DMXL2: variants seen among roughly 807,000 people sequenced by gnomAD.
DMXL2 encodes dmX-like protein 2.
Under a neutral mutation model 331.1 loss-of-function variants are expected in DMXL2, and 103 were observed. The ratio of observed to expected loss-of-function variants is 0.31; its 90% CI spans 0.27 to 0.37. The LOEUF (loss-of-function observed/expected upper bound fraction) is 0.37. DMXL2 is among the 10% of genes least tolerant of loss of function. The pLI is 1.00. For missense variants in DMXL2, 3,171 were observed against 3,642.9 expected, an observed-to-expected ratio of 0.87 and a Z score of 3.33; for synonymous variants, 1,281 against 1,252.1, an observed-to-expected ratio of 1.02 and a Z score of -0.49.
Position 51,565,107 on chromosome 15 carries a change from G to A in DMXL2, c.345C>T (p.Asn115=), listed in dbSNP as rs749820677. 2 of 1,570,516 alleles carry A rather than the reference G, an allele frequency of 1.3e-6. No homozygotes were observed. Among genetic ancestry groups the A allele is most frequent in the African/African-American group, 2.7e-5 (2 of 73,126 alleles). The change falls in exon 4 of 44, where the codon AAC becomes AAT. Residue 115 remains asparagine, a synonymous_variant. Coordinates refer to ENST00000560891, the MANE Select transcript of DMXL2 (RefSeq NM_001378457.1). The part of the protein sequence containing the change: ...GQFFLSSVTY[N]LAWDPQDNRL... ...AAATACCTTGAGGATCCCATGCTAAGTTGTATGTCACAGAACTCAAAAAAA... is the reference window on the plus strand; with the variant it reads ...AAATACCTTGAGGATCCCATGCTAAATTGTATGTCACAGAACTCAAAAAAA...
intron 1 of DMXL2, among the ~76,000 whole-genome samples, chr15:51,607,319 G>A (rs1012265247): frequency 1.2e-4 from 18 of 152,166 alleles, no homozygotes; most frequent in African/African-American, 3.9e-4. Flanking sequence ...AGCCAGGCAC[G>A]GTGGCAGGTG....
At chr15:51,481,685 A>G in intron 23 of DMXL2, 62 bp from the exon 24 acceptor site, 2 of 1,410,182 alleles carry the variant, frequency 1.4e-6, no homozygotes, top group South Asian at 1.6e-5. Context: ...ACATTACAAA[A>G]CAATAAAATA....
At chr15:51,587,586 G>A (rs1249955270) in intron 1 of DMXL2, among the ~76,000 whole-genome samples, 2 of 152,148 alleles carry the variant, frequency 1.3e-5, no homozygotes, top group African/African-American at 4.8e-5. Flanking sequence ...TATTTGGGTT[G>A]GTTCCAAGTC....
intron 16 of DMXL2, among the ~76,000 whole-genome samples, chr15:51,506,213 C>A (rs946450809): frequency 9.9e-5 from 15 of 151,938 alleles, no homozygotes; most frequent in Non-Finnish European, 1.6e-4. Context: ...TAGGTACATG[C>A]CACCACACTT....
intron 1 of DMXL2, among the ~76,000 whole-genome samples, chr15:51,599,322 G>C (rs1324704651): frequency 1.3e-5 from 2 of 152,222 alleles, no homozygotes; most frequent in African/African-American, 4.8e-5. Context: ...CCAAGATCTA[G>C]ATGCCAGTTG....
intron 1 of DMXL2, among the ~76,000 whole-genome samples, chr15:51,587,739 G>A (rs952599179): frequency 3.9e-5 from 6 of 152,262 alleles, no homozygotes; most frequent in East Asian, 1.9e-4. Context: ...CTGAGGAATC[G>A]CCACACTGAC....
chr15:51,599,677 T>C (rs1355514639), intron 1 of DMXL2, among the ~76,000 whole-genome samples: 2 of 152,216 alleles, frequency 1.3e-5, no homozygotes, highest in African/African-American at 2.4e-5. Context: ...TGCAATTATA[T>C]TGACAAGGTT....
In DMXL2 at chr15:51,536,381, T is replaced by C. The variant is rs763416367; in HGVS notation, c.2099A>G (p.Lys700Arg). 1.2e-6 allele frequency: 2 copies of C among 1,613,462 alleles called. No individual in the cohort carries two copies. The highest frequency in any genetic ancestry group is 2.7e-5 in the African/African-American group (2 of 74,864). Residue 700 changes from lysine (K) to arginine (R), a missense_variant, in exon 12 of 44, where the codon AAA becomes AGA. Around this residue, in one of 7 missense-constraint regions of DMXL2, gnomAD observed 1,674 missense variants for 1,780.2 expected, o/e 0.94. Transcript: ENST00000560891. ...SRLMDPVKHI[K>R]GSSKQPLRNA... ...TCTAAGAGGTTGTTTCGAGGAACCT[T>C]TTATATGTTTTACAGGGTCCATTAA...
intron 6 of DMXL2, among the ~76,000 whole-genome samples, chr15:51,560,167 C>A (rs1383774598): frequency 1.3e-5 from 2 of 152,086 alleles, no homozygotes; most frequent in East Asian, 3.9e-4. Flanking sequence ...ACTTTTATAG[C>A]ATCACAGTAA....
intron 27 of DMXL2, 63 bp from the exon 28 acceptor site, chr15:51,474,655 C>A: frequency 6.7e-7 from 1 of 1,491,058 alleles, no homozygotes; most frequent in Non-Finnish European, 9.0e-7. Context: ...GAAAAAACAT[C>A]CAAATTTGCA....
At chr15:51,485,926 C>A in intron 23 of DMXL2, 147 bp downstream of exon 23, 1 of 807,398 alleles carries the variant, frequency 1.2e-6, no homozygotes, top group Middle Eastern at 3.6e-4. Context: ...CTATCTAATC[C>A]TTTAGACACA....
At chr15:51,564,282 G>A in intron 4 of DMXL2, 22 bp from the exon 5 acceptor site, 5 of 1,538,786 alleles carry the variant, frequency 3.2e-6, no homozygotes, top group Middle Eastern at 2.0e-4. Flanking sequence ...AGAATGTTAT[G>A]ATGAATATGC....
chr15:51,557,726 T>C (rs1007865477), intron 6 of DMXL2, among the ~76,000 whole-genome samples: 1 of 152,116 alleles, frequency 6.6e-6, no homozygotes, highest in Non-Finnish European at 1.5e-5. Context: ...TACAGAAATA[T>C]GGACATTTGA....
At chr15:51,606,888 G>C (rs2053625079) in intron 1 of DMXL2, among the ~76,000 whole-genome samples, 1 of 152,232 alleles carries the variant, frequency 6.6e-6, no homozygotes, top group Non-Finnish European at 1.5e-5. Context: ...GCCGGGCAAG[G>C]TGGCTCAGGC....
rs772703047 is a variant in DMXL2, at chr15:51,514,460, A to G, written c.2626T>C (p.Phe876Leu). 3 of 1,564,974 alleles carry G rather than the reference A, an allele frequency of 1.9e-6. No homozygotes were observed. The highest frequency in any genetic ancestry group is 2.6e-6 in the Non-Finnish European group (3 of 1,148,748). ...AAAGTACCTTGTGATGGCTGAAAAAATATTTCTGTTTCCTTTTTCTCCATA... is the reference window on the plus strand; with the variant it reads ...AAAGTACCTTGTGATGGCTGAAAAAGTATTTCTGTTTCCTTTTTCTCCATA... ...EDMEKKETEI[F>L]FQPSQGYRPP... The change falls in exon 15 of 44, where the codon TTT (phenylalanine) becomes CTT (leucine). Residue 876 changes from phenylalanine to leucine, a missense_variant. Coordinates refer to ENST00000560891, the MANE Select transcript of DMXL2 (RefSeq NM_001378457.1).
At chr15:51,524,786 G>C (rs1216605366) in intron 13 of DMXL2, among the ~76,000 whole-genome samples, 1 of 152,104 alleles carries the variant, frequency 6.6e-6, no homozygotes, top group Non-Finnish European at 1.5e-5. Context: ...CAGGTTCTCT[G>C]GGGCCTTAAA....
chr15:51,619,344 A>G (rs541392898), intron 1 of DMXL2, among the ~76,000 whole-genome samples: 68 of 152,360 alleles, frequency 4.5e-4, no homozygotes, highest in African/African-American at 1.6e-3. Context: ...GTGATGTTTT[A>G]AAATGTGATA....
At chr15:51,452,599 G>A (rs1466728689) in intron 41 of DMXL2, among the ~76,000 whole-genome samples, 1 of 152,066 alleles carries the variant, frequency 6.6e-6, no homozygotes, top group Non-Finnish European at 1.5e-5. Flanking sequence ...AACAATAGAC[G>A]CTGGCATGGA....
chr15:51,543,540 A>C (rs962935120), intron 8 of DMXL2, among the ~76,000 whole-genome samples: 2 of 152,160 alleles, frequency 1.3e-5, no homozygotes, highest in South Asian at 4.1e-4. Flanking sequence ...TTTTCACTGG[A>C]TCTTTGACAT....
Sources: gnomAD v4.1 joint callset for allele counts (sites outside exome capture counted in the v4.1 genomes callset) on GRCh38, gnomAD v4.1.1 for gene constraint, gnomAD v4.1.1 regional missense constraint, MANE v1.5 for transcripts, NCBI Gene and HGNC (gene_info 2026-07-23, HGNC 2026-07-21) for gene names.